Variants in CCDC15 observed in about 807,000 individuals in gnomAD.
CCDC15 encodes coiled-coil domain-containing protein 15.
Under a neutral mutation model 114.5 loss-of-function variants are expected in CCDC15, and 105 were observed. That is an observed-to-expected ratio of 0.92 (90% CI 0.78 to 1.08). CCDC15 has a LOEUF of 1.08. CCDC15 is among the 50% of genes least tolerant of loss of function. The probability of loss-of-function intolerance (pLI) is 0.00; values close to 1 mark genes in which losing one functional copy is unlikely to be tolerated. For synonymous variants in CCDC15, 334 were observed against 377.8 expected (o/e 0.88, Z 1.34); for missense variants, 1,105 against 1,093.6 (o/e 1.01, Z -0.15).
At chr11:125,008,341 A>G (rs978178355) in intron 13 of CCDC15, among the ~76,000 whole-genome samples, 1 of 152,232 alleles carries the variant, frequency 6.6e-6, no homozygotes, top group Non-Finnish European at 1.5e-5. Flanking sequence ...TTGCTGGTAT[A>G]TCGGAAAGTG....
rs764413863 is a variant in CCDC15 at position 125,040,660 on chromosome 11, C to T, written c.2805C>T (p.Val935=). 8.1e-6 allele frequency: 13 copies of T among 1,611,732 alleles called. No homozygotes were observed. The Middle Eastern group carries it at 4.9e-4, about 61-fold the overall frequency. Residue 935 remains valine, a synonymous_variant, in exon 16 of 16, where the codon GTC becomes GTT. Coordinates refer to ENST00000344762, the MANE Select transcript of CCDC15 (RefSeq NM_025004.3). The part of the protein sequence containing the change: ...DVPGGNSTLR[V]AIHNFASAHR... The stretch of plus-strand genomic sequence containing the variant: ...CTGGGGGTAATTCAACTCTTCGAGT[C>T]GCAATTCATAATTTTGCTTCTGCAC...
At chr11:125,001,789 A>G (rs1046423855) in intron 11 of CCDC15, among the ~76,000 whole-genome samples, 1 of 152,152 alleles carries the variant, frequency 6.6e-6, no homozygotes, top group Non-Finnish European at 1.5e-5. Context: ...CATTTTATTT[A>G]TCAATTCATC....
chr11:125,011,347 C>T (rs575545213), intron 13 of CCDC15, among the ~76,000 whole-genome samples: 9 of 152,008 alleles, frequency 5.9e-5, no homozygotes, highest in African/African-American at 1.9e-4. Context: ...AAGCGATTCT[C>T]CTGCCTCAGC....
Position 124,993,232 on chromosome 11 carries a change from G to C in CCDC15, c.2203G>C (p.Gly735Arg). ...KWEIARGNTP[G>R]VPLAYDRYQS... ...GGAGATTGCAAGAGGAAATACTCCTGGAGTGCCCTTGGTATGTTTCACACA... is the reference window on the plus strand; with the variant it reads ...GGAGATTGCAAGAGGAAATACTCCTCGAGTGCCCTTGGTATGTTTCACACA... The change falls in exon 11 of 16, where the codon GGA becomes CGA. Residue 735 changes from glycine (G) to arginine (R), a missense_variant. By Grantham distance (125) the Gly-to-Arg change is moderately radical. Transcript: ENST00000344762. 6.3e-7 allele frequency: 1 copy of C among 1,598,832 alleles called. No individual in the cohort carries two copies. The highest frequency in any genetic ancestry group is 1.3e-5 in the African/African-American group (1 of 74,654).
chr11:124,977,684 A>G (rs1947997282), intron 6 of CCDC15, 84 bp downstream of exon 6: 1 of 1,342,006 alleles, frequency 7.5e-7, no homozygotes, highest in Admixed American at 2.8e-5. Context: ...TAAAGGGTTA[A>G]GATATCCAGT....
intron 4 of CCDC15, among the ~76,000 whole-genome samples, chr11:124,971,514 A>C (rs1439715240): frequency 6.6e-6 from 1 of 152,174 alleles, no homozygotes; most frequent in East Asian, 1.9e-4. Flanking sequence ...GTTCTGTAGG[A>C]TATTCCTGAG....
intron 13 of CCDC15, among the ~76,000 whole-genome samples, chr11:125,009,423 T>C (rs1182150393): frequency 6.6e-6 from 1 of 152,198 alleles, no homozygotes; most frequent in African/African-American, 2.4e-5. Flanking sequence ...AAAATTGTTA[T>C]AGGTTACTGT....
chr11:124,990,193 G>A (rs540540932), intron 8 of CCDC15, among the ~76,000 whole-genome samples: 2 of 152,266 alleles, frequency 1.3e-5, no homozygotes, highest in East Asian at 3.9e-4. Flanking sequence ...AGTGAATAGG[G>A]AGGCCTAAGG....
chr11:124,976,613 T>C lies in CCDC15; in HGVS notation c.631-865T>C, dbSNP rs12283697. On this transcript the variant is annotated intron_variant, in intron 5 of 15. Coordinates refer to ENST00000344762, the MANE Select transcript of CCDC15 (RefSeq NM_025004.3). The stretch of plus-strand genomic sequence containing the variant: ...TGTTAGATGAGGTGATTAGACACTT[T>C]CTACTAAATCAGAAAAAAAAACACA... Among the ~76,000 whole-genome samples the C allele has an allele frequency of 2.1e-3, 320 of 152,208 alleles. 1 individual carries two copies. Among genetic ancestry groups the C allele is most frequent in the African/African-American group, 7.4e-3 (306 of 41,552 alleles).
chr11:125,037,642 A>C (rs1280748546), intron 13 of CCDC15: 1 of 152,244 alleles, frequency 6.6e-6, no homozygotes, highest in African/African-American at 2.4e-5. Context: ...GAACCTTCCA[A>C]GGCAGTAATC....
At chr11:125,037,000 G>C (rs1022517074) in intron 13 of CCDC15, among the ~76,000 whole-genome samples, 1 of 152,060 alleles carries the variant, frequency 6.6e-6, no homozygotes, top group African/African-American at 2.4e-5. Context: ...CTTTTGGTGA[G>C]GTCATATTTC....
At position 125,009,048 on chromosome 11, in the gene CCDC15, G is replaced by A. The variant is rs535059207; in HGVS notation, c.2411+3836G>A. ...AGCCTGACCAACGTGGAGTAACCCCGTCTCTACTAAAAATACAAAACTAGC... is the reference window on the plus strand; with the variant it reads ...AGCCTGACCAACGTGGAGTAACCCCATCTCTACTAAAAATACAAAACTAGC... On this transcript the variant is annotated intron_variant, in intron 13 of 15. Coordinates refer to ENST00000344762, the MANE Select transcript of CCDC15 (RefSeq NM_025004.3). Among the ~76,000 whole-genome samples the A allele has an allele frequency of 7.2e-5, 11 of 151,946 alleles. No individual in the cohort carries two copies. The South Asian group carries it at 1.9e-3, about 26-fold the overall frequency.
chr11:125,031,061 C>T (rs941090943), intron 13 of CCDC15, among the ~76,000 whole-genome samples: 2 of 152,228 alleles, frequency 1.3e-5, no homozygotes, highest in Non-Finnish European at 2.9e-5. Context: ...CCATTGGCTA[C>T]AGCCCACAAG....
intron 7 of CCDC15, 81 bp downstream of exon 7, chr11:124,986,969 A>T: frequency 7.0e-7 from 1 of 1,419,656 alleles, no homozygotes; most frequent in South Asian, 1.6e-5. Context: ...AGGATTGTAG[A>T]TTTAGCTTTT....
chr11:124,972,745 G>A (rs189955606), intron 4 of CCDC15, among the ~76,000 whole-genome samples: 6 of 152,258 alleles, frequency 3.9e-5, no homozygotes, highest in Non-Finnish European at 8.8e-5. Context: ...GACATTTCCA[G>A]CTTTTGGTGT....
intron 11 of CCDC15, among the ~76,000 whole-genome samples, chr11:124,999,703 A>G (rs1948439918): frequency 6.6e-6 from 1 of 152,008 alleles, no homozygotes; most frequent in Non-Finnish European, 1.5e-5. Context: ...CCTCATAGAT[A>G]AAGTATTAAT....
At chr11:125,026,882 C>T (rs1238933192) in intron 13 of CCDC15, among the ~76,000 whole-genome samples, 1 of 152,142 alleles carries the variant, frequency 6.6e-6, no homozygotes, top group East Asian at 1.9e-4. Flanking sequence ...TTTTATTTCT[C>T]ACCCCTTCCC....
chr11:125,034,640 G>T (rs970604500), intron 13 of CCDC15, among the ~76,000 whole-genome samples: 1 of 152,114 alleles, frequency 6.6e-6, no homozygotes, highest in African/African-American at 2.4e-5. Flanking sequence ...TATGTACAGG[G>T]TCACTAAACT....
intron 11 of CCDC15, among the ~76,000 whole-genome samples, chr11:124,998,487 C>G (rs1948413457): frequency 6.6e-6 from 1 of 152,104 alleles, no homozygotes; most frequent in African/African-American, 2.4e-5. Flanking sequence ...GTCTCTATCT[C>G]TTCATATTAT....
Sources: allele counts gnomAD v4.1 joint callset (sites outside exome capture counted in the v4.1 genomes callset), GRCh38; gene constraint gnomAD v4.1.1; transcripts MANE v1.5; gene names NCBI Gene and HGNC (gene_info 2026-07-23, HGNC 2026-07-21).